Variants in GPHN observed in about 807,000 individuals in gnomAD.
The protein encoded by GPHN is gephyrin.
GPHN carries 17 observed loss-of-function variants against 95.5 expected under a neutral mutation model. The observed-to-expected ratio is 0.18, with a 90% CI of 0.12 to 0.27. The LOEUF (loss-of-function observed/expected upper bound fraction) is 0.27, where lower values mean the gene tolerates loss of function less well. Ranked by LOEUF, GPHN falls within the 10% of genes least tolerant of loss-of-function variation. GPHN has a pLI of 1.00. For missense variants in GPHN, 660 were observed against 978.1 expected, an observed-to-expected ratio of 0.67 and a Z score of 4.34; for synonymous variants, 320 against 322.5, an observed-to-expected ratio of 0.99 and a Z score of 0.08.
At chr14:67,585,692 TTC>T in the GPHN span, 1 of 1,375,954 alleles carries the variant, frequency 7.3e-7, no homozygotes, top group Non-Finnish European at 1.0e-6. Flanking sequence ...ACCCCTCCTC[TTC>T]CTCAACATGG....
chr14:66,791,157 A>G (rs567113640), intron 3 of GPHN, among the ~76,000 whole-genome samples: 5 of 152,166 alleles, frequency 3.3e-5, no homozygotes, highest in African/African-American at 7.2e-5. Flanking sequence ...AACTTTCCCA[A>G]GTTGGGACTC....
intron 17 of GPHN, among the ~76,000 whole-genome samples, chr14:67,140,665 T>C (rs2080402518): frequency 6.6e-6 from 1 of 152,206 alleles, no homozygotes; most frequent in Non-Finnish European, 1.5e-5. Context: ...CCACATTCCA[T>C]GTGATGCTGT....
intron 1 of GPHN, among the ~76,000 whole-genome samples, chr14:66,606,285 G>A (rs1294209077): frequency 6.6e-6 from 1 of 152,068 alleles, no homozygotes; most frequent in Non-Finnish European, 1.5e-5. Context: ...TGACTTTGTT[G>A]AAAATCAGAT....
chr14:66,574,007 C>T (rs2060806288), intron 1 of GPHN, among the ~76,000 whole-genome samples: 1 of 152,156 alleles, frequency 6.6e-6, no homozygotes, highest in African/African-American at 2.4e-5. Flanking sequence ...AGTCCATTTA[C>T]AATCAAGGTA....
At chr14:67,579,324 GC>G in the GPHN span, 1 of 1,488,640 alleles carries the variant, frequency 6.7e-7, no homozygotes, top group Non-Finnish European at 8.9e-7. Flanking sequence ...GAGGAGCTGG[GC>G]GTGCTCTTTG....
the GPHN span, chr14:67,204,645 T>G: frequency 1.2e-6 from 2 of 1,613,896 alleles, no homozygotes; most frequent in Non-Finnish European, 1.7e-6. Context: ...TCTGCACCTC[T>G]GCATATAAAC....
At chr14:66,748,956 G>A (rs1257238420) in intron 2 of GPHN, among the ~76,000 whole-genome samples, 2 of 151,876 alleles carry the variant, frequency 1.3e-5, no homozygotes, top group Non-Finnish European at 2.9e-5. Context: ...TCAAACTGTA[G>A]TATAATCTAG....
At chr14:66,700,790 G>C (rs991116323) in intron 2 of GPHN, among the ~76,000 whole-genome samples, 1 of 152,128 alleles carries the variant, frequency 6.6e-6, no homozygotes, top group African/African-American at 2.4e-5. Flanking sequence ...GGGCGTGGTG[G>C]CGTGCGCCTA....
chr14:67,332,480 A>T, the GPHN span, among the ~76,000 whole-genome samples: 3 of 152,228 alleles, frequency 2.0e-5, no homozygotes, highest in East Asian at 1.9e-4. Flanking sequence ...GTAGGGAAAC[A>T]GTGTGTGTTC....
intron 1 of GPHN, among the ~76,000 whole-genome samples, chr14:66,583,094 G>A (rs935997735): frequency 1.5e-4 from 22 of 151,634 alleles, no homozygotes; most frequent in South Asian, 6.2e-4. Flanking sequence ...GTGTGAGATG[G>A]TATCTCATTG....
At chr14:67,694,180 GT>G in the GPHN span, among the ~76,000 whole-genome samples, 1 of 152,212 alleles carries the variant, frequency 6.6e-6, no homozygotes, top group South Asian at 2.1e-4. Flanking sequence ...TACCTGCATA[GT>G]GCGAAAATGC....
At chr14:67,328,007 A>T in the GPHN span, among the ~76,000 whole-genome samples, 1 of 152,214 alleles carries the variant, frequency 6.6e-6, no homozygotes, top group Non-Finnish European at 1.5e-5. Context: ...CAGTAATGGG[A>T]TGGCTGGGTC....
intron 10 of GPHN, among the ~76,000 whole-genome samples, chr14:67,045,712 T>A (rs2074981347): frequency 6.7e-6 from 1 of 149,794 alleles, no homozygotes; most frequent in Non-Finnish European, 1.5e-5. Context: ...TCTCTGTCTC[T>A]CTCTCTCTGT....
chr14:67,383,332 T>G, the GPHN span: 2 of 1,613,454 alleles, frequency 1.2e-6, no homozygotes, highest in Non-Finnish European at 1.7e-6. Flanking sequence ...TGGTCACAGA[T>G]ACAGATGAGA....
At chr14:67,213,095 GT>G in the GPHN span, among the ~76,000 whole-genome samples, 18,311 of 135,562 alleles carry the variant, frequency 0.14, 1,983 homozygotes, top group East Asian at 0.45. Context: ...ATTCTGTGGT[GT>G]TTTTTTTTTT....
chr14:67,730,365 AAG>A, the GPHN span, among the ~76,000 whole-genome samples: 1 of 152,152 alleles, frequency 6.6e-6, no homozygotes, highest in African/African-American at 2.4e-5. Flanking sequence ...GATGCACTGT[AAG>A]TGTACAGTGC....
the GPHN span, chr14:67,333,789 A>C: frequency 1.3e-5 from 2 of 151,034 alleles, no homozygotes; most frequent in African/African-American, 5.0e-5. Flanking sequence ...TATGAATGGC[A>C]GGTGTTCATT....
chr14:67,493,283 C>T, the GPHN span, among the ~76,000 whole-genome samples: 115 of 152,294 alleles, frequency 7.6e-4, no homozygotes, highest in African/African-American at 2.1e-3. Flanking sequence ...CACCCAAACA[C>T]GCCCAAGCAT....
the GPHN span, among the ~76,000 whole-genome samples, chr14:67,635,724 G>C: frequency 1.3e-5 from 2 of 152,106 alleles, no homozygotes; most frequent in Admixed American, 6.6e-5. Context: ...GTGGTGGCAG[G>C]CACCTGTAAT....
Sources: gnomAD v4.1 joint callset for allele counts (sites outside exome capture counted in the v4.1 genomes callset) on GRCh38, gnomAD v4.1.1 for gene constraint, MANE v1.5 for transcripts, NCBI Gene and HGNC (gene_info 2026-07-23, HGNC 2026-07-21) for gene names.